Variants in CLCNKA observed in about 807,000 individuals in gnomAD.
The protein encoded by CLCNKA is chloride channel protein ClC-Ka.
Under a neutral mutation model 83.3 loss-of-function variants are expected in CLCNKA, and 66 were observed. That is an observed-to-expected ratio of 0.79 (90% confidence interval 0.65 to 0.97). CLCNKA has a LOEUF of 0.97. CLCNKA is among the 50% of genes least tolerant of loss of function. The probability of loss-of-function intolerance (pLI) is 0.00; values close to 1 mark genes in which losing one functional copy is unlikely to be tolerated. For synonymous variants in CLCNKA, 357 were observed against 370.4 expected, an observed-to-expected ratio of 0.96 and a Z score of 0.42; for missense variants, 806 against 888.7, an observed-to-expected ratio of 0.91 and a Z score of 1.18.
intron 8 of CLCNKA, among the ~76,000 whole-genome samples, 189 bp downstream of exon 8, chr1:16,027,624 AG>A (rs1460583120): frequency 6.6e-6 from 1 of 151,886 alleles, no homozygotes; most frequent in East Asian, 1.9e-4. Context: ...ACCTGTGTTG[AG>A]GGGCAAGGGG....
intron 7 of CLCNKA, chr1:16,027,047 T>G: frequency 3.1e-6 from 2 of 650,866 alleles, no homozygotes; most frequent in Non-Finnish European, 5.2e-6. Context: ...TGAGCGCAGC[T>G]TCCTCCTCTG....
chr1:16,033,077 C>G, intron 18 of CLCNKA, 93 bp from the exon 19 acceptor site: 1 of 1,331,172 alleles, frequency 7.5e-7, no homozygotes, highest in South Asian at 1.2e-5. Context: ...CAGGCCCCGC[C>G]CCTCTTCCTG....
At chr1:16,028,172 C>T in intron 10 of CLCNKA, 53 bp downstream of exon 10, 2 of 1,521,824 alleles carry the variant, frequency 1.3e-6, no homozygotes, top group East Asian at 2.2e-5. Flanking sequence ...TTGTGGACTC[C>T]AGACCTTATG....
rs1172688256 is a variant in CLCNKA at position 16,033,207 on chromosome 1, T to G, written c.1967T>G (p.Leu656Arg). Residue 656 changes from leucine to arginine, a missense_variant, in exon 19 of 20, where the codon CTC becomes CGC. Physicochemically the swap from Leu to Arg is moderately radical, Grantham distance 102 (BLOSUM62 -2). Coordinates refer to ENST00000331433, the MANE Select transcript of CLCNKA (RefSeq NM_004070.4). ...TTTAAGCTGTTGAACCTTCAGTCCC[T>G]CTTCGTGACATCGCGGGGCAGAGCT... ...NLFKLLNLQS[L>R]FVTSRGRAVG... 1 of 1,614,014 alleles carries G rather than the reference T, an allele frequency of 6.2e-7. No individual in the cohort carries two copies. Among genetic ancestry groups the G allele is most frequent in the Non-Finnish European group, 8.5e-7 (1 of 1,180,020 alleles).
At chr1:16,026,874 G>C in intron 7 of CLCNKA, 99 bp downstream of exon 7, 1 of 1,491,788 alleles carries the variant, frequency 6.7e-7, no homozygotes, top group Non-Finnish European at 9.3e-7. Flanking sequence ...GGAGGGGATG[G>C]GGCTCATTCT....
intron 15 of CLCNKA, 57 bp downstream of exon 15, chr1:16,030,731 G>A: frequency 6.2e-7 from 1 of 1,607,894 alleles, no homozygotes; most frequent in Non-Finnish European, 8.5e-7. Flanking sequence ...GGGCTTGGCT[G>A]GGGGTGGAGG....
rs200325856 is a variant in CLCNKA, at chr1:16,028,010, C to T, written c.867-8C>T. The T allele has an allele frequency of 2.0e-4, 316 of 1,614,064 alleles. 3 individuals carry two copies. In the Admixed American group the frequency reaches 5.1e-3, roughly 26 times the overall value. On this transcript the variant is annotated splice_polypyrimidine_tract_variant and splice_region_variant and intron_variant, in intron 9 of 19. Coordinates refer to ENST00000331433, the MANE Select transcript of CLCNKA (RefSeq NM_004070.4). ...CAGGCTCTGGTCTTACCTCCCTTCA[C>T]CCCGCAGTGGCATCTGCGGCGTCCT...
At chr1:16,033,465 G>A in intron 19 of CLCNKA, 146 bp from the exon 20 acceptor site, 1 of 915,918 alleles carries the variant, frequency 1.1e-6, no homozygotes. Flanking sequence ...GCCCTTCTCG[G>A]CCTCAGTGAT....
At chr1:16,031,619 T>C (rs1298849044) in intron 15 of CLCNKA, 91 bp from the exon 16 acceptor site, 30 of 1,587,614 alleles carry the variant, frequency 1.9e-5, no homozygotes, top group East Asian at 6.8e-5. Flanking sequence ...CGTGGGTCCC[T>C]GGTTCAAGCA....
intron 7 of CLCNKA, 27 bp from the exon 8 acceptor site, chr1:16,027,283 C>T (rs112177712): frequency 3.1e-6 from 5 of 1,611,902 alleles, no homozygotes; most frequent in Non-Finnish European, 4.2e-6. Context: ...GGGGTGGGGG[C>T]CCACCTGACA....
Position 16,030,188 on chromosome 1 carries a change from C to T in CLCNKA, c.1408+113C>T, listed in dbSNP as rs149145058. The T allele has an allele frequency of 1.5e-3, 1,178 of 797,632 alleles. 7 individuals are homozygous for T. The African/African-American group carries it at 0.018, about 12-fold the overall frequency. The allele number at this position is 797,632 out of a possible 1,614,324, so 49.4% of individuals were successfully genotyped here. On this transcript the variant is annotated intron_variant, in intron 14 of 19. Transcript: ENST00000331433. ...AGCAGTCACTGAGTCCTCCAGTGAACCCCCTACCCCTCATGGGGGTCTGTC... is the reference window on the plus strand; with the variant it reads ...AGCAGTCACTGAGTCCTCCAGTGAATCCCCTACCCCTCATGGGGGTCTGTC...
In CLCNKA at chr1:16,026,589, C is replaced by T. The variant is rs1354820972; in HGVS notation, c.552C>T (p.Arg184=). 2 of 1,613,930 alleles carry T rather than the reference C, an allele frequency of 1.2e-6. No individual in the cohort carries two copies. The highest frequency in any genetic ancestry group is 1.3e-5 in the African/African-American group (1 of 74,912). ...VMIAAYLGRV[R]TTTIGEPENK... is the part of the protein sequence containing the mutation. ...TCGCTGCCTACCTGGGCCGTGTGCG[C>T]ACCACGACCATCGGGGAGCCTGAGG... The change falls in exon 6 of 20, where the codon CGC becomes CGT. Residue 184 remains arginine (R), a synonymous_variant. Coordinates refer to ENST00000331433, the MANE Select transcript of CLCNKA (RefSeq NM_004070.4).
At chr1:16,030,385 A>G in intron 14 of CLCNKA, 76 bp from the exon 15 acceptor site, 1 of 1,557,076 alleles carries the variant, frequency 6.4e-7, no homozygotes, top group Non-Finnish European at 8.8e-7. Flanking sequence ...GGCAGCAGCC[A>G]GGCTAGTTAT....
intron 8 of CLCNKA, 146 bp from the exon 9 acceptor site, chr1:16,027,675 G>C: frequency 6.4e-7 from 1 of 1,551,340 alleles, no homozygotes; most frequent in Non-Finnish European, 8.8e-7. Flanking sequence ...AGGGAGGCAA[G>C]AGCCTGGTTG....
chr1:16,030,592 A>G lies in CLCNKA; in HGVS notation c.1540A>G (p.Ser514Gly), dbSNP rs1449405942. 1.9e-6 allele frequency: 3 copies of G among 1,613,058 alleles called. No individual in the cohort carries two copies. Among genetic ancestry groups the G allele is most frequent in the East Asian group, 4.5e-5 (2 of 44,874 alleles). Reference sequence around the variant, plus strand: ...GCTGGCAGCCAACGCCATTGCACAGAGCTGCCAGCCCTCCTTCTATGATGG... The same window carrying G: ...GCTGGCAGCCAACGCCATTGCACAGGGCTGCCAGCCCTCCTTCTATGATGG... ...AVLAANAIAQ[S>G]CQPSFYDGTI... Residue 514 changes from serine (S) to glycine (G), a missense_variant, in exon 15 of 20, where the codon AGC becomes GGC. Coordinates refer to ENST00000331433, the MANE Select transcript of CLCNKA (RefSeq NM_004070.4).
At chr1:16,028,679 C>G (rs1244468347) in intron 10 of CLCNKA, 82 bp from the exon 11 acceptor site, 1 of 1,544,312 alleles carries the variant, frequency 6.5e-7, no homozygotes, top group East Asian at 2.2e-5. Context: ...AGCTCTGCTG[C>G]TGCCTGGACC....
In CLCNKA at chr1:16,029,749, G is replaced by GCCA; in HGVS notation, c.1253_1255dup (p.Thr418dup). 1 of 1,614,100 alleles carries GCCA rather than the reference G, an allele frequency of 6.2e-7. No homozygotes were observed. ...CCTGCAGTTCTGGATGCTGATTCTG[G>GCCA]CCACCACCATCCCCATGCCTGCCGG... On this transcript the variant is annotated inframe_insertion, in exon 13 of 20. Coordinates refer to ENST00000331433, the MANE Select transcript of CLCNKA (RefSeq NM_004070.4).
rs200504115 is a variant in CLCNKA, at chr1:16,024,801, C to T, written c.268C>T (p.Leu90=). 8 of 1,614,174 alleles carry T rather than the reference C, an allele frequency of 5.0e-6. No homozygotes were observed. In the Admixed American group the frequency reaches 8.3e-5, roughly 17 times the overall value. The change falls in exon 4 of 20, where the codon CTG becomes TTG. Residue 90 remains leucine (L), a synonymous_variant. Coordinates refer to ENST00000331433, the MANE Select transcript of CLCNKA (RefSeq NM_004070.4). ...WLYREIGDSH[L]LRYLSWTVYP... ...GTACAGGGAGATTGGGGACAGCCAC[C>T]TGCTCCGGTATCTTTCCTGGACTGT...
chr1:16,032,886 G>T (rs2022687663), intron 18 of CLCNKA, among the ~76,000 whole-genome samples: 1 of 152,252 alleles, frequency 6.6e-6, no homozygotes, highest in South Asian at 2.1e-4. Flanking sequence ...CAAGGATGGG[G>T]CAAGGGCGGA....
Sources: gnomAD v4.1 joint callset for allele counts (sites outside exome capture counted in the v4.1 genomes callset) on GRCh38, gnomAD v4.1.1 for gene constraint, MANE v1.5 for transcripts, NCBI Gene and HGNC (gene_info 2026-07-23, HGNC 2026-07-21) for gene names.